GPC3: variants seen among roughly 807,000 people sequenced by gnomAD.
The protein encoded by GPC3 is glypican-3.
Under a neutral mutation model 34.4 loss-of-function variants are expected in GPC3, and 3 were observed. The ratio of observed to expected loss-of-function variants is 0.09; its 90% confidence interval spans 0.04 to 0.23. GPC3 has a LOEUF of 0.23. Ranked by LOEUF, GPC3 falls within the 10% of genes least tolerant of loss-of-function variation. The probability of loss-of-function intolerance (pLI) is 1.00; values close to 1 mark genes in which losing one functional copy is unlikely to be tolerated. For synonymous variants in GPC3, 177 were observed against 174.0 expected (o/e 1.02, Z -0.13); for missense variants, 351 against 445.6 (o/e 0.79, Z 1.91).
At chrX:133,539,156 C>T (rs2069321125) in intron 7 of GPC3, among the ~76,000 whole-genome samples, 1 of 110,220 alleles carries the variant, frequency 9.1e-6, no homozygotes, top group South Asian at 4.0e-4. Context: ...TTAACCATCT[C>T]CACGATGTTA....
At chrX:133,943,858 C>T (rs1409371144) in intron 2 of GPC3, among the ~76,000 whole-genome samples, 2 of 111,634 alleles carry the variant, frequency 1.8e-5, no homozygotes, top group Non-Finnish European at 3.8e-5. Context: ...GAAGCTGAGG[C>T]AGAGGCTTAG....
chrX:133,798,156 A>C (rs5975423), intron 2 of GPC3, among the ~76,000 whole-genome samples: 5,147 of 111,574 alleles, frequency 0.046, 317 homozygotes, highest in African/African-American at 0.16. Context: ...TCTATCTAAA[A>C]TAAGAGAGCA....
chrX:133,574,217 G>A (rs1454391573), intron 7 of GPC3, among the ~76,000 whole-genome samples: 3 of 111,183 alleles, frequency 2.7e-5, no homozygotes, highest in Non-Finnish European at 3.8e-5. Context: ...TCTGGGGGTG[G>A]TGAACATGTT....
intron 2 of GPC3, among the ~76,000 whole-genome samples, chrX:133,913,219 A>G (rs2076209124): frequency 8.9e-6 from 1 of 112,199 alleles, no homozygotes; most frequent in Admixed American, 9.4e-5. Context: ...TAGGAGAGGC[A>G]GAGGAAGAAG....
At chrX:133,650,976 A>G (rs1211318810) in intron 6 of GPC3, among the ~76,000 whole-genome samples, 2 of 110,936 alleles carry the variant, frequency 1.8e-5, no homozygotes, top group Non-Finnish European at 3.8e-5. Flanking sequence ...TTTGGCTCTA[A>G]AGCCTTTGTT....
chrX:133,828,495 T>C (rs1205791075), intron 2 of GPC3, among the ~76,000 whole-genome samples: 1 of 111,922 alleles, frequency 8.9e-6, no homozygotes, highest in Non-Finnish European at 1.9e-5. Flanking sequence ...GCAGGAATAG[T>C]GGAACAAGAA....
intron 7 of GPC3, among the ~76,000 whole-genome samples, chrX:133,552,860 A>T (rs2069448203): frequency 8.9e-6 from 1 of 111,808 alleles, no homozygotes; most frequent in South Asian, 3.7e-4. Flanking sequence ...AAGCTGGATG[A>T]TCCTCATACA....
chrX:133,726,214 T>C (rs1473830942), intron 3 of GPC3, among the ~76,000 whole-genome samples: 2 of 111,483 alleles, frequency 1.8e-5, no homozygotes, highest in African/African-American at 6.5e-5. Context: ...GAATCAGAAA[T>C]GGATTGTTTT....
At chrX:133,770,363 T>C (rs1239351064) in intron 2 of GPC3, among the ~76,000 whole-genome samples, 2 of 112,194 alleles carry the variant, frequency 1.8e-5, no homozygotes, top group Non-Finnish European at 3.8e-5. Context: ...CACTTGATTA[T>C]TTTAACAGAA....
intron 6 of GPC3, among the ~76,000 whole-genome samples, chrX:133,610,701 A>C (rs1226472382): frequency 9.7e-6 from 1 of 103,575 alleles, no homozygotes; most frequent in East Asian, 3.0e-4. Context: ...TAGATGCAAC[A>C]GGAGAGGGGA....
At chrX:133,870,866 T>C (rs1233197831) in intron 2 of GPC3, among the ~76,000 whole-genome samples, 3 of 112,139 alleles carry the variant, frequency 2.7e-5, no homozygotes, top group Non-Finnish European at 5.6e-5. Context: ...CTAACCTCCA[T>C]CCTTTTCCAC....
At chrX:133,715,125 T>C (rs147628272) in intron 3 of GPC3, among the ~76,000 whole-genome samples, 1 of 111,999 alleles carries the variant, frequency 8.9e-6, no homozygotes, top group Non-Finnish European at 1.9e-5. Context: ...TCAGTGTGAC[T>C]AGAATAAAGC....
At chrX:133,667,424 A>G (rs2070778765) in intron 5 of GPC3, among the ~76,000 whole-genome samples, 1 of 111,789 alleles carries the variant, frequency 8.9e-6, no homozygotes, top group Non-Finnish European at 1.9e-5. Flanking sequence ...GCAATCACCA[A>G]TGTCCTTCCT....
chrX:133,896,144 C>G (rs1426804932), intron 2 of GPC3, among the ~76,000 whole-genome samples: 1 of 111,283 alleles, frequency 9.0e-6, no homozygotes, highest in Non-Finnish European at 1.9e-5. Context: ...GGTACATCAC[C>G]TGAGATCAGG....
At chrX:133,932,470 G>T (rs2124622348) in intron 2 of GPC3, among the ~76,000 whole-genome samples, 1 of 111,936 alleles carries the variant, frequency 8.9e-6, no homozygotes, top group Admixed American at 9.5e-5. Context: ...AAGCCAGGTA[G>T]AAATCTGAAT....
At chrX:133,564,477 C>T (rs1849184486) in intron 7 of GPC3, among the ~76,000 whole-genome samples, 1 of 111,326 alleles carries the variant, frequency 9.0e-6, no homozygotes, top group South Asian at 3.9e-4. Flanking sequence ...ACTCTCATCC[C>T]TTTCTAGTGA....
intron 2 of GPC3, among the ~76,000 whole-genome samples, chrX:133,793,271 A>T (rs1417676479): frequency 8.9e-6 from 1 of 111,853 alleles, no homozygotes; most frequent in African/African-American, 3.3e-5. Context: ...ATAGTATTAA[A>T]GGTGTGCAAG....
chrX:133,722,956 T>C (rs2071381789), intron 3 of GPC3, among the ~76,000 whole-genome samples: 1 of 111,801 alleles, frequency 8.9e-6, no homozygotes. Flanking sequence ...GCATTACACA[T>C]TGCTATCGTC....
At position 133,647,471 on chromosome X, in the gene GPC3, A is replaced by G. The variant is rs1232258413; in HGVS notation, c.1413+14259T>C. 2.7e-5 allele frequency among the ~76,000 whole-genome samples: 3 copies of G among 112,869 alleles called. No individual in the cohort carries two copies. In the East Asian group the frequency reaches 8.3e-4, roughly 31 times the overall value. On this transcript the variant is annotated intron_variant, in intron 6 of 7. Coordinates refer to ENST00000370818, the MANE Select transcript of GPC3 (RefSeq NM_004484.4). ...TCAGCTCCTTGTCAGCACATGCTTG[A>G]GTAAAATGAACAAGCGAGGTCTTAT...
Sources: allele counts gnomAD v4.1 joint callset (sites outside exome capture counted in the v4.1 genomes callset), GRCh38; gene constraint gnomAD v4.1.1; transcripts MANE v1.5; gene names NCBI Gene and HGNC (gene_info 2026-07-23, HGNC 2026-07-21).